Variants in EDA observed in about 807,000 individuals in gnomAD.
EDA encodes ectodysplasin A.
EDA carries 2 observed loss-of-function variants against 23.6 expected under a neutral mutation model. The observed-to-expected ratio is 0.08, with a 90% confidence interval of 0.03 to 0.27. The LOEUF is 0.27. EDA is among the 10% of genes least tolerant of loss of function. The probability of loss-of-function intolerance (pLI) is 1.00; values close to 1 mark genes in which losing one functional copy is unlikely to be tolerated. For missense variants in EDA, 229 were observed against 324.2 expected, an observed-to-expected ratio of 0.71 and a Z score of 2.26; for synonymous variants, 131 against 132.0, an observed-to-expected ratio of 0.99 and a Z score of 0.05.
chrX:69,829,924 C>T (rs975964582), intron 1 of EDA, among the ~76,000 whole-genome samples: 3 of 111,916 alleles, frequency 2.7e-5, no homozygotes, highest in African/African-American at 9.7e-5. Context: ...CTAAGCAAAA[C>T]ATTTTAGTTT....
intron 1 of EDA, among the ~76,000 whole-genome samples, chrX:69,783,532 G>A (rs2015029328): frequency 9.5e-6 from 1 of 105,518 alleles, no homozygotes; most frequent in Admixed American, 1.1e-4. Flanking sequence ...GTGAGAATAT[G>A]CAGTCTTTGG....
intron 2 of EDA, among the ~76,000 whole-genome samples, chrX:69,967,125 CAT>C (rs1305955964): frequency 1.8e-5 from 2 of 110,331 alleles, no homozygotes; most frequent in Non-Finnish European, 3.8e-5. Context: ...GTTACAATAA[CAT>C]GTGTAACTGT....
chrX:69,753,881 A>T (rs1292952020), intron 1 of EDA, among the ~76,000 whole-genome samples: 1 of 87,475 alleles, frequency 1.1e-5, no homozygotes, highest in Non-Finnish European at 2.2e-5. Flanking sequence ...GTTTTATCAG[A>T]GACTAGGATT....
At position 69,946,505 on chromosome X, in the gene EDA, A is replaced by G. The variant is rs1218739552; in HGVS notation, c.397-10522A>G. ...ACAGTTGAACTCTAGTCTACAATGT[A>G]TTTCAATATCAATGTAAACTGAATA... On this transcript the variant is annotated intron_variant, in intron 1 of 7. Coordinates refer to ENST00000374552, the MANE Select transcript of EDA (RefSeq NM_001399.5). 2.7e-5 allele frequency among the ~76,000 whole-genome samples: 3 copies of G among 112,016 alleles called. No homozygotes were observed. In the East Asian group the frequency reaches 8.4e-4, roughly 31 times the overall value.
intron 1 of EDA, among the ~76,000 whole-genome samples, chrX:69,845,574 A>C (rs1427765145): frequency 8.9e-6 from 1 of 112,110 alleles, no homozygotes; most frequent in African/African-American, 3.2e-5. Flanking sequence ...TCGCTCAAGA[A>C]GTTATGAAAC....
chrX:69,980,195 C>CA lies in EDA; in HGVS notation c.502+23063_502+23064insA, dbSNP rs2019384575. 1.8e-5 allele frequency among the ~76,000 whole-genome samples: 2 copies of CA among 111,395 alleles called. 1 individual carries two copies. The highest frequency in any genetic ancestry group is 6.5e-5 in the African/African-American group (2 of 30,653). The stretch of plus-strand genomic sequence containing the variant: ...TCTCTGAAAAATGGTATGGTCTAAT[C>CA]TGGGTGACAAGGAGTCAATATTTCT... On this transcript the variant is annotated intron_variant, in intron 2 of 7. Transcript: ENST00000374552.
intron 1 of EDA, among the ~76,000 whole-genome samples, chrX:69,924,290 T>C (rs76921253): frequency 8.9e-6 from 1 of 112,227 alleles, no homozygotes; most frequent in Non-Finnish European, 1.9e-5. Flanking sequence ...AGGGTTTTTA[T>C]GGTTCTGGGT....
rs183411179 is a variant in EDA at position 69,991,156 on chromosome X, G to T, written c.503-32062G>T. 4.6e-3 allele frequency among the ~76,000 whole-genome samples: 513 copies of T among 111,249 alleles called. 1 individual carries two copies. Among genetic ancestry groups the T allele is most frequent in the Middle Eastern group, 0.019 (4 of 211 alleles). ...CTTCTGTCAAATAGCTCAAAAATCT[G>T]ATTCATCCCTGTATTATATCAGTTG... On this transcript the variant is annotated intron_variant, in intron 2 of 7. Transcript: ENST00000374552.
chrX:69,698,165 T>C (rs1169069441), intron 1 of EDA, among the ~76,000 whole-genome samples: 1 of 112,148 alleles, frequency 8.9e-6, no homozygotes, highest in African/African-American at 3.2e-5. Context: ...CATCTTTGGC[T>C]TCCTTCTACC....
intron 1 of EDA, among the ~76,000 whole-genome samples, chrX:69,877,371 G>A (rs1038305851): frequency 6.3e-5 from 7 of 111,641 alleles, no homozygotes; most frequent in South Asian, 7.5e-4. Context: ...CCATCTCTTC[G>A]TACTGTTCAT....
intron 2 of EDA, among the ~76,000 whole-genome samples, chrX:69,980,460 C>A (rs1218532053): frequency 3.6e-5 from 4 of 112,095 alleles, no homozygotes; most frequent in South Asian, 3.7e-4. Context: ...AGCTTAGTTA[C>A]AAAATACTGT....
At chrX:69,786,036 C>T (rs1028620047) in intron 1 of EDA, among the ~76,000 whole-genome samples, 1 of 108,943 alleles carries the variant, frequency 9.2e-6, no homozygotes, top group Non-Finnish European at 1.9e-5. Flanking sequence ...GTGTATGTGT[C>T]GAGGAATTTA....
At chrX:69,811,404 T>G (rs1429237827) in intron 1 of EDA, among the ~76,000 whole-genome samples, 2 of 112,237 alleles carry the variant, frequency 1.8e-5, no homozygotes, top group African/African-American at 6.5e-5. Flanking sequence ...CACTGAAACT[T>G]ATTAATTAGG....
intron 1 of EDA, among the ~76,000 whole-genome samples, chrX:69,915,970 T>C (rs1052856134): frequency 1.8e-5 from 2 of 111,842 alleles, no homozygotes; most frequent in African/African-American, 6.5e-5. Context: ...TTTCTCTGAG[T>C]AAATAAAGTT....
At chrX:69,833,870 G>C (rs1475458959) in intron 1 of EDA, among the ~76,000 whole-genome samples, 4 of 109,627 alleles carry the variant, frequency 3.6e-5, no homozygotes, top group Non-Finnish European at 7.6e-5. Context: ...TGTTACATAC[G>C]TATACAGGTG....
intron 1 of EDA, among the ~76,000 whole-genome samples, chrX:69,630,966 T>C (rs1296313540): frequency 8.9e-6 from 1 of 111,810 alleles, no homozygotes; most frequent in Non-Finnish European, 1.9e-5. Context: ...TGGTTCACCT[T>C]AGGTAGGTCA....
At chrX:69,831,255 G>A (rs778225767) in intron 1 of EDA, among the ~76,000 whole-genome samples, 1 of 111,383 alleles carries the variant, frequency 9.0e-6, no homozygotes, top group African/African-American at 3.3e-5. Flanking sequence ...CCCACTCTGT[G>A]TCCAAGTGAT....
At chrX:69,821,105 A>G (rs893810579) in intron 1 of EDA, among the ~76,000 whole-genome samples, 3 of 110,993 alleles carry the variant, frequency 2.7e-5, no homozygotes, top group Admixed American at 9.6e-5. Context: ...ATGGAGTTGG[A>G]AGCCATTATC....
rs1444175071 is a variant in EDA at position 69,749,935 on chromosome X, T to C, written c.396+133231T>C. Among the ~76,000 whole-genome samples the C allele has an allele frequency of 1.2e-4, 12 of 101,931 alleles. 1 individual carries two copies. The highest frequency in any genetic ancestry group is 7.5e-4 in the Admixed American group (7 of 9,358). 88.5% of individuals were successfully genotyped at this position (101,931 alleles called of 115,157 possible). ...CTCACTAAGGTTCTTTTTTTTTTTT[T>C]TTTTTTTTTTTTTTGGTTGGGGAGA... On this transcript the variant is annotated intron_variant, in intron 1 of 7. Transcript: ENST00000374552.
Sources: allele counts gnomAD v4.1 joint callset (sites outside exome capture counted in the v4.1 genomes callset), GRCh38; gene constraint gnomAD v4.1.1; transcripts MANE v1.5; gene names NCBI Gene and HGNC (gene_info 2026-07-23, HGNC 2026-07-21).